The following SCAI variants were observed in gnomAD, a reference collection of about 807,000 sequenced individuals.
The protein encoded by SCAI is protein SCAI.
A neutral mutation model predicts 92.2 loss-of-function variants in SCAI; 24 were observed. The observed-to-expected ratio is 0.26, with a 90% CI of 0.19 to 0.37. The LOEUF is 0.37. Among genes scored for constraint, SCAI ranks in the 10% least tolerant of loss-of-function variants. The pLI is 1.00. For missense variants in SCAI, 450 were observed against 736.2 expected, an observed-to-expected ratio of 0.61 and a Z score of 4.50; for synonymous variants, 261 against 258.6, an observed-to-expected ratio of 1.01 and a Z score of -0.09.
intron 2 of SCAI, among the ~76,000 whole-genome samples, chr9:125,083,281 G>C (rs1834258563): frequency 6.6e-6 from 1 of 152,096 alleles, no homozygotes; most frequent in Non-Finnish European, 1.5e-5. Context: ...ACTTTAGGAG[G>C]CTGGGGCAGG....
chr9:125,090,254 T>C (rs539829150), intron 2 of SCAI, among the ~76,000 whole-genome samples: 2 of 152,136 alleles, frequency 1.3e-5, no homozygotes, highest in Admixed American at 6.5e-5. Context: ...GATAGGAGTA[T>C]GTAAAAGGCC....
At chr9:125,026,116 A>C (rs887613489) in intron 6 of SCAI, among the ~76,000 whole-genome samples, 8 of 152,220 alleles carry the variant, frequency 5.3e-5, no homozygotes, top group Non-Finnish European at 1.2e-4. Flanking sequence ...CACGCCTGTA[A>C]TCCCAGCACT....
rs116068352 is a variant in SCAI at position 125,059,388 on chromosome 9, G to A, written c.99-3381C>T. ...CTTCTGCTGTAAAGGATGTTATTGA[G>A]ACAACTGGTAAGGCCTGAATGGGGT... On this transcript the variant is annotated intron_variant, in intron 2 of 17. Coordinates refer to ENST00000336505, the MANE Select transcript of SCAI (RefSeq NM_001144877.3). Among the ~76,000 whole-genome samples the A allele has an allele frequency of 2.9e-3, 446 of 152,318 alleles. 7 individuals carry two copies. Among genetic ancestry groups the A allele is most frequent in the African/African-American group, 0.011 (440 of 41,578 alleles).
intron 6 of SCAI, among the ~76,000 whole-genome samples, chr9:125,022,381 A>G (rs1832886217): frequency 6.6e-6 from 1 of 152,062 alleles, no homozygotes; most frequent in Admixed American, 6.6e-5. Context: ...TAGCTGTCTC[A>G]TTATCTTTCT....
chr9:125,141,564 CTACT>C (rs1167154476), intron 2 of SCAI, among the ~76,000 whole-genome samples: 1 of 152,218 alleles, frequency 6.6e-6, no homozygotes, highest in East Asian at 1.9e-4. Flanking sequence ...TGTTTGTGGA[CTACT>C]TAAACTCTTT....
intron 3 of SCAI, among the ~76,000 whole-genome samples, chr9:125,039,385 C>CAAAAAAAAAAAAAAAAAAAAA (rs58716034): frequency 2.1e-5 from 1 of 48,310 alleles, no homozygotes; most frequent in Non-Finnish European, 4.1e-5. Flanking sequence ...GACTCCATCT[C>CAAAAAAAAAAAAAAAAAAAAA]AAAAAAAAAA....
intron 6 of SCAI, among the ~76,000 whole-genome samples, chr9:125,021,469 T>C (rs977982953): frequency 6.6e-6 from 1 of 152,218 alleles, no homozygotes; most frequent in Non-Finnish European, 1.5e-5. Flanking sequence ...ATTGGCTTCC[T>C]AGTTATACTA....
intron 17 of SCAI, among the ~76,000 whole-genome samples, chr9:124,966,209 T>G: frequency 6.6e-6 from 1 of 151,426 alleles, no homozygotes; most frequent in East Asian, 1.9e-4. Flanking sequence ...GTATATCTCC[T>G]AATGCTATCC....
rs973782625 is a variant in SCAI, at chr9:124,948,162, T to G, written c.*4645A>C. 6.6e-6 allele frequency: 1 copy of G among 152,190 alleles called. No individual in the cohort carries two copies. Among genetic ancestry groups the G allele is most frequent in the Admixed American group, 6.5e-5 (1 of 15,284 alleles). The allele number at this position is 152,190 out of a possible 1,614,324, so 9.4% of individuals were successfully genotyped here. ...CAGTATAATTACGACATAATCTGTT[T>G]CAGGGAATTCTATTGCACAAAGGAA... On this transcript the variant is annotated 3_prime_UTR_variant, in exon 18 of 18. Transcript: ENST00000336505.
chr9:125,029,609 G>T (rs1833031808), intron 4 of SCAI, 35 bp downstream of exon 4: 3 of 1,289,848 alleles, frequency 2.3e-6, no homozygotes, highest in Non-Finnish European at 3.4e-6. Flanking sequence ...TACAAAACAG[G>T]CCTTCACTCT....
At chr9:125,100,050 C>T (rs779433850) in intron 2 of SCAI, among the ~76,000 whole-genome samples, 2 of 152,206 alleles carry the variant, frequency 1.3e-5, no homozygotes, top group Non-Finnish European at 2.9e-5. Flanking sequence ...TGGGCACACG[C>T]CCAGAAGTTG....
chr9:125,061,900 A>T (rs1833774980), intron 2 of SCAI, among the ~76,000 whole-genome samples: 1 of 152,166 alleles, frequency 6.6e-6, no homozygotes, highest in South Asian at 2.1e-4. Flanking sequence ...ATAGGAAAAA[A>T]ATATAGAGCA....
chr9:124,997,617 T>C (rs1336702754), intron 13 of SCAI, among the ~76,000 whole-genome samples: 1 of 152,192 alleles, frequency 6.6e-6, no homozygotes, highest in East Asian at 1.9e-4. Context: ...GGCTCACGCC[T>C]GTAATCCCAG....
intron 2 of SCAI, among the ~76,000 whole-genome samples, chr9:125,101,251 T>C (rs1176709137): frequency 2.0e-5 from 3 of 152,146 alleles, no homozygotes; most frequent in Non-Finnish European, 4.4e-5. Context: ...AGGAGTGATG[T>C]GATTTGACTG....
In SCAI at chr9:125,024,407, C is replaced by G. The variant is rs142036583; in HGVS notation, c.512+2405G>C. Reference sequence around the variant, plus strand: ...TCTCATGCCTCAGCCTCCTGAGTAGCTCGGACTACAGGCGCGTGCCACCAC... The same window carrying G: ...TCTCATGCCTCAGCCTCCTGAGTAGGTCGGACTACAGGCGCGTGCCACCAC... On this transcript the variant is annotated intron_variant, in intron 6 of 17. Transcript: ENST00000336505. 4.4e-3 allele frequency among the ~76,000 whole-genome samples: 669 copies of G among 152,016 alleles called. 3 individuals are homozygous for G. The highest frequency in any genetic ancestry group is 0.015 in the African/African-American group (630 of 41,476).
rs1831184113 is a variant in SCAI, at chr9:124,948,316, G to C, written c.*4491C>G. ...AACGTTTCAATTTGGTAAAAATAAA[G>C]AGGGTACAATAAATTCTGTGCTTTG... On this transcript the variant is annotated 3_prime_UTR_variant, in exon 18 of 18. Coordinates refer to ENST00000336505, the MANE Select transcript of SCAI (RefSeq NM_001144877.3). The C allele has an allele frequency of 6.6e-6, 1 of 152,184 alleles. No homozygotes were observed. 9.4% of individuals were successfully genotyped at this position (152,184 alleles called of 1,614,324 possible). A position where few individuals can be genotyped will look rare whatever the true frequency, so the allele number is the denominator to read the frequency against.
chr9:125,064,655 G>A (rs531403332), intron 2 of SCAI, among the ~76,000 whole-genome samples: 3 of 152,224 alleles, frequency 2.0e-5, no homozygotes, highest in East Asian at 3.9e-4. Flanking sequence ...AGACCAGACT[G>A]GCCAACATAG....
At chr9:125,084,370 C>T (rs1265809294) in intron 2 of SCAI, among the ~76,000 whole-genome samples, 1 of 151,870 alleles carries the variant, frequency 6.6e-6, no homozygotes, top group African/African-American at 2.4e-5. Context: ...CGGGGTTTCA[C>T]CGTGTTAGCC....
intron 2 of SCAI, among the ~76,000 whole-genome samples, chr9:125,123,052 G>C (rs1362256276): frequency 2.0e-5 from 3 of 148,638 alleles, no homozygotes; most frequent in African/African-American, 7.3e-5. Flanking sequence ...AAAACAGCTT[G>C]CTTATCTATT....
Sources: gnomAD v4.1 joint callset for allele counts (sites outside exome capture counted in the v4.1 genomes callset) on GRCh38, gnomAD v4.1.1 for gene constraint, MANE v1.5 for transcripts, NCBI Gene and HGNC (gene_info 2026-07-23, HGNC 2026-07-21) for gene names.